Variants in MAF observed in about 807,000 individuals in gnomAD.
MAF encodes MAF bZIP transcription factor.
A neutral mutation model predicts 22.0 loss-of-function variants in MAF; 10 were observed. The ratio of observed to expected loss-of-function variants is 0.45; its 90% CI spans 0.28 to 0.77. The LOEUF (loss-of-function observed/expected upper bound fraction) is 0.77, where lower values mean the gene tolerates loss of function less well. MAF is among the 30% of genes least tolerant of loss of function. The pLI is 0.12. For synonymous variants in MAF, 337 were observed against 255.8 expected (o/e 1.32, Z -3.03); for missense variants, 544 against 548.4 (o/e 0.99, Z 0.08).
chr16:79,557,792 G>A, the MAF span, among the ~76,000 whole-genome samples: 1 of 151,984 alleles, frequency 6.6e-6, no homozygotes, highest in Non-Finnish European at 1.5e-5. Context: ...TCTCTGATGG[G>A]CAAAGATATA....
chr16:79,295,100 G>A, the MAF span, among the ~76,000 whole-genome samples: 2 of 151,760 alleles, frequency 1.3e-5, no homozygotes, highest in South Asian at 2.1e-4. Flanking sequence ...GTGGGGGAGG[G>A]GGCAGGGGGC....
the MAF span, among the ~76,000 whole-genome samples, chr16:79,233,609 C>A: frequency 6.6e-6 from 1 of 152,054 alleles, no homozygotes; most frequent in African/African-American, 2.4e-5. Flanking sequence ...GGAACCAGCT[C>A]TGTCCCACTG....
At chr16:79,456,676 G>C in the MAF span, among the ~76,000 whole-genome samples, 2 of 152,180 alleles carry the variant, frequency 1.3e-5, no homozygotes. Flanking sequence ...AGCTGAGCAA[G>C]TGTCTTCTGC....
the MAF span, among the ~76,000 whole-genome samples, chr16:79,477,025 A>C: frequency 3.9e-5 from 6 of 152,158 alleles, no homozygotes; most frequent in Non-Finnish European, 8.8e-5. Flanking sequence ...GTCCCACCTC[A>C]GGGACATCAG....
chr16:79,217,986 T>TAAAAAAAAAAAAAAAAAAAAA, the MAF span, among the ~76,000 whole-genome samples: 1 of 52,112 alleles, frequency 1.9e-5, no homozygotes. Context: ...GAAGCTTATG[T>TAAAAAAAAAAAAAAAAAAAAA]AAAAAAAAAA....
At chr16:79,513,552 T>C in the MAF span, among the ~76,000 whole-genome samples, 3 of 151,934 alleles carry the variant, frequency 2.0e-5, no homozygotes, top group Non-Finnish European at 4.4e-5. Flanking sequence ...AAAGTGGTTG[T>C]GAGCAGTGTT....
the MAF span, among the ~76,000 whole-genome samples, chr16:79,243,281 AT>A: frequency 2.6e-5 from 4 of 151,238 alleles, no homozygotes; most frequent in Admixed American, 2.0e-4. Flanking sequence ...TTTCTTTTTT[AT>A]TTTTTTATTT....
chr16:79,536,390 C>T, the MAF span, among the ~76,000 whole-genome samples: 5 of 152,210 alleles, frequency 3.3e-5, no homozygotes, highest in Non-Finnish European at 7.3e-5. Context: ...TGCCTGTAAT[C>T]CCAGCACTTG....
the MAF span, among the ~76,000 whole-genome samples, chr16:79,502,708 AATATATATATAT>A: frequency 0.049 from 1,678 of 33,906 alleles, 71 homozygotes; most frequent in Non-Finnish European, 0.072. Context: ...TATAAATATA[AATATATATATAT>A]ATATATATAT....
the MAF span, among the ~76,000 whole-genome samples, chr16:79,483,992 G>A: frequency 1.3e-5 from 2 of 152,284 alleles, no homozygotes; most frequent in Non-Finnish European, 2.9e-5. Flanking sequence ...GATGGAAAAA[G>A]TGTGTTAGAT....
the MAF span, among the ~76,000 whole-genome samples, chr16:79,363,952 G>A: frequency 6.6e-6 from 1 of 152,320 alleles, no homozygotes; most frequent in Middle Eastern, 3.4e-3. Context: ...CATCCAGCCT[G>A]ACTGGGACCT....
chr16:79,274,092 T>C, the MAF span, among the ~76,000 whole-genome samples: 1 of 152,014 alleles, frequency 6.6e-6, no homozygotes, highest in Admixed American at 6.6e-5. Flanking sequence ...GTAGCTTGGA[T>C]TACAGGTATG....
chr16:79,247,826 G>C, the MAF span, among the ~76,000 whole-genome samples: 4 of 152,124 alleles, frequency 2.6e-5, no homozygotes, highest in African/African-American at 9.7e-5. Context: ...TACTGTCATA[G>C]CACATCCAAA....
the MAF span, among the ~76,000 whole-genome samples, chr16:79,576,370 A>G: frequency 0.041 from 6,187 of 152,134 alleles, 162 homozygotes; most frequent in Non-Finnish European, 0.064. Flanking sequence ...GAAAGATACC[A>G]TATACCACCT....
the MAF span, among the ~76,000 whole-genome samples, chr16:79,513,394 G>C: frequency 1.3e-5 from 2 of 152,226 alleles, no homozygotes; most frequent in Non-Finnish European, 2.9e-5. Context: ...CAATGAAAGA[G>C]AATCACCTTA....
chr16:79,312,838 G>A, the MAF span, among the ~76,000 whole-genome samples: 1 of 152,126 alleles, frequency 6.6e-6, no homozygotes, highest in African/African-American at 2.4e-5. Context: ...TATAAGACAG[G>A]CACCTTTGCA....
At chr16:79,538,453 T>G in the MAF span, among the ~76,000 whole-genome samples, 1 of 152,100 alleles carries the variant, frequency 6.6e-6, no homozygotes, top group Non-Finnish European at 1.5e-5. Flanking sequence ...ACCATAAAAA[T>G]GAAGAAAGTA....
downstream of MAF, among the ~76,000 whole-genome samples, chr16:79,590,852 G>C (rs190673630): frequency 6.6e-6 from 1 of 152,146 alleles, no homozygotes; most frequent in East Asian, 1.9e-4. Context: ...CCTAGTTTGG[G>C]GTTGCCTATT....
At chr16:79,472,708 AC>A in the MAF span, among the ~76,000 whole-genome samples, 1 of 152,168 alleles carries the variant, frequency 6.6e-6, no homozygotes, top group Admixed American at 6.5e-5. Context: ...CGATGGTTGT[AC>A]AACTCTATAC....
Sources: allele counts gnomAD v4.1 joint callset (sites outside exome capture counted in the v4.1 genomes callset), GRCh38; gene constraint gnomAD v4.1.1; transcripts MANE v1.5; gene names NCBI Gene and HGNC (gene_info 2026-07-23, HGNC 2026-07-21).